UNC5D: variants seen among roughly 807,000 people sequenced by gnomAD.
UNC5D encodes netrin receptor UNC5D.
Under a neutral mutation model 105.4 loss-of-function variants are expected in UNC5D, and 39 were observed. That is an observed-to-expected ratio of 0.37 (90% CI 0.29 to 0.48). The LOEUF (loss-of-function observed/expected upper bound fraction) is 0.48. UNC5D is among the 20% of genes least tolerant of loss of function. The probability of loss-of-function intolerance (pLI) is 0.98; values close to 1 mark genes in which losing one functional copy is unlikely to be tolerated. For missense variants in UNC5D, 991 were observed against 1,202.4 expected, an observed-to-expected ratio of 0.82 and a Z score of 2.60; for synonymous variants, 452 against 450.4, an observed-to-expected ratio of 1.00 and a Z score of -0.04.
At chr8:35,482,622 AT>A (rs1810553241) in intron 1 of UNC5D, among the ~76,000 whole-genome samples, 1 of 152,080 alleles carries the variant, frequency 6.6e-6, no homozygotes, top group South Asian at 2.1e-4. Context: ...TTTGACCAAC[AT>A]TTAAGTATTT....
At chr8:35,636,260 G>A (rs979959417) in intron 4 of UNC5D, among the ~76,000 whole-genome samples, 1 of 152,144 alleles carries the variant, frequency 6.6e-6, no homozygotes, top group African/African-American at 2.4e-5. Flanking sequence ...ATAGTTTCTA[G>A]TAACTAAGCA....
intron 1 of UNC5D, among the ~76,000 whole-genome samples, chr8:35,241,279 G>A (rs757306283): frequency 5.3e-5 from 8 of 152,214 alleles, no homozygotes; most frequent in Admixed American, 1.3e-4. Flanking sequence ...GCATACACAC[G>A]CTGTGCGTAG....
At position 35,790,631 on chromosome 8, in the gene UNC5D, C is replaced by T. The variant is rs929728051; in HGVS notation, c.*68C>T. The T allele has an allele frequency of 2.6e-6, 4 of 1,556,336 alleles. No individual in the cohort carries two copies. Among genetic ancestry groups the T allele is most frequent in the East Asian group, 2.3e-5 (1 of 44,124 alleles). ...CATTTGCTTTAAATGGGAAAGAGGC[C>T]GCTTTCTGCCCAGTGGCGTTGGGGG... is the stretch of plus-strand genomic sequence containing the variant. On this transcript the variant is annotated 3_prime_UTR_variant, in exon 17 of 17. Transcript: ENST00000404895.
chr8:35,433,868 A>G (rs1806819699), intron 1 of UNC5D, among the ~76,000 whole-genome samples: 1 of 151,668 alleles, frequency 6.6e-6, no homozygotes, highest in African/African-American at 2.4e-5. Flanking sequence ...AAAAGAAAGA[A>G]AAAGAAAAAA....
intron 3 of UNC5D, among the ~76,000 whole-genome samples, chr8:35,589,276 A>G (rs1818998832): frequency 1.3e-5 from 2 of 152,140 alleles, no homozygotes; most frequent in Admixed American, 1.3e-4. Flanking sequence ...TGGTTGCATA[A>G]TGTTCCATTG....
chr8:35,764,432 C>A (rs147340779), intron 14 of UNC5D, among the ~76,000 whole-genome samples: 130 of 152,178 alleles, frequency 8.5e-4, no homozygotes, highest in African/African-American at 3.0e-3. Flanking sequence ...GGAGGAAGGG[C>A]TGCCCATGGT....
intron 3 of UNC5D, among the ~76,000 whole-genome samples, chr8:35,576,591 C>G (rs1186232047): frequency 6.6e-6 from 1 of 151,994 alleles, no homozygotes; most frequent in Admixed American, 6.6e-5. Context: ...GAGATATGGA[C>G]TAACAGAGTT....
chr8:35,441,658 T>C (rs562281587), intron 1 of UNC5D, among the ~76,000 whole-genome samples: 1 of 151,974 alleles, frequency 6.6e-6, no homozygotes, highest in African/African-American at 2.4e-5. Flanking sequence ...TTCCTAACAA[T>C]TGACATCTCT....
chr8:35,529,261 A>C (rs1814141298), intron 1 of UNC5D, among the ~76,000 whole-genome samples: 1 of 87,222 alleles, frequency 1.1e-5, no homozygotes, highest in East Asian at 3.1e-4. Context: ...TCAGCTTTCT[A>C]CATATGGCTA....
intron 1 of UNC5D, among the ~76,000 whole-genome samples, chr8:35,547,283 C>CTA (rs1815759995): frequency 8.1e-6 from 1 of 122,924 alleles, no homozygotes; most frequent in Non-Finnish European, 1.6e-5. Flanking sequence ...CAGAACATTA[C>CTA]TCTTTTTTTT....
chr8:35,576,396 A>G (rs1215455607), intron 3 of UNC5D, among the ~76,000 whole-genome samples: 1 of 152,230 alleles, frequency 6.6e-6, no homozygotes, highest in Admixed American at 6.5e-5. Flanking sequence ...ATTGAACGCC[A>G]GAGGCAGCAT....
At chr8:35,662,186 C>CA (rs10692805) in intron 4 of UNC5D, among the ~76,000 whole-genome samples, 22,556 of 108,566 alleles carry the variant, frequency 0.21, 2,052 homozygotes, top group East Asian at 0.4. Context: ...CAAAAGCTTT[C>CA]AAAAAAAAAA....
At chr8:35,743,100 A>G (rs7013551) in intron 11 of UNC5D, among the ~76,000 whole-genome samples, 47,111 of 152,018 alleles carry the variant, frequency 0.31, 9,293 homozygotes, top group Non-Finnish European at 0.44. Context: ...ACAGCACTAG[A>G]CAGGTCATCA....
At chr8:35,334,451 T>C (rs1810865207) in intron 1 of UNC5D, among the ~76,000 whole-genome samples, 1 of 152,208 alleles carries the variant, frequency 6.6e-6, no homozygotes. Flanking sequence ...GTTAAGGGCA[T>C]AAATTTTGGA....
chr8:35,252,917 G>A (rs1446005592), intron 1 of UNC5D, among the ~76,000 whole-genome samples: 1 of 152,054 alleles, frequency 6.6e-6, no homozygotes, highest in Non-Finnish European at 1.5e-5. Flanking sequence ...TCATTTACTG[G>A]ATATAATATG....
intron 1 of UNC5D, among the ~76,000 whole-genome samples, chr8:35,349,338 TCAAA>T (rs1812041608): frequency 6.6e-6 from 1 of 152,006 alleles, no homozygotes; most frequent in Admixed American, 6.6e-5. Context: ...TTTTGTCACT[TCAAA>T]CAATGATCAA....
intron 4 of UNC5D, among the ~76,000 whole-genome samples, chr8:35,632,661 G>A (rs1021646658): frequency 1.3e-5 from 2 of 152,106 alleles, no homozygotes; most frequent in African/African-American, 4.8e-5. Flanking sequence ...TCTCTGTCTT[G>A]TTCACTGCAG....
intron 7 of UNC5D, among the ~76,000 whole-genome samples, chr8:35,700,958 C>T (rs1188280796): frequency 6.6e-6 from 1 of 152,100 alleles, no homozygotes; most frequent in East Asian, 1.9e-4. Context: ...TTTAAGAGTA[C>T]AAAGAATGTG....
intron 4 of UNC5D, among the ~76,000 whole-genome samples, chr8:35,646,266 CT>C: frequency 6.6e-6 from 1 of 152,084 alleles, no homozygotes; most frequent in African/African-American, 2.4e-5. Context: ...AAACACTATG[CT>C]TTTTTTCTAC....
Sources: gnomAD v4.1 joint callset for allele counts (sites outside exome capture counted in the v4.1 genomes callset) on GRCh38, gnomAD v4.1.1 for gene constraint, MANE v1.5 for transcripts, NCBI Gene and HGNC (gene_info 2026-07-23, HGNC 2026-07-21) for gene names.